The following PTPRE variants were observed in gnomAD, a reference collection of about 807,000 sequenced individuals.
PTPRE encodes the protein receptor-type tyrosine-protein phosphatase epsilon.
Under a neutral mutation model 102.0 loss-of-function variants are expected in PTPRE, and 51 were observed. That is an observed-to-expected ratio of 0.50 (90% CI 0.40 to 0.63). The LOEUF is 0.63. Among genes scored for constraint, PTPRE ranks in the 30% least tolerant of loss-of-function variants. The probability of loss-of-function intolerance (pLI) is 0.00; values close to 1 mark genes in which losing one functional copy is unlikely to be tolerated. For missense variants in PTPRE, 752 were observed against 915.1 expected (o/e 0.82, Z 2.30); for synonymous variants, 345 against 348.2 (o/e 0.99, Z 0.10).
Position 127,975,720 on chromosome 10 carries a change from G to A in PTPRE, c.-30-6554G>A, listed in dbSNP as rs529784974. Among the ~76,000 whole-genome samples the A allele has an allele frequency of 4.6e-5, 7 of 152,250 alleles. No homozygotes were observed. The East Asian group carries it at 9.6e-4, about 21-fold the overall frequency. On this transcript the variant is annotated intron_variant, in intron 1 of 20. Transcript: ENST00000254667. ...TTAGCTCAAGAAAAACATCTTTAGCGTGTTCAGTTACCATTAGCGTCAGGC... is the reference window on the plus strand; with the variant it reads ...TTAGCTCAAGAAAAACATCTTTAGCATGTTCAGTTACCATTAGCGTCAGGC...
At chr10:128,034,329 C>CCCCCCT (rs1554929873) in intron 2 of PTPRE, among the ~76,000 whole-genome samples, 1 of 151,902 alleles carries the variant, frequency 6.6e-6, no homozygotes, top group African/African-American at 2.4e-5. Flanking sequence ...CACACCACCC[C>CCCCCCT]CCCCACCGAC....
intron 2 of PTPRE, among the ~76,000 whole-genome samples, chr10:128,024,768 C>A (rs571514029): frequency 2.6e-5 from 4 of 152,084 alleles, no homozygotes; most frequent in Non-Finnish European, 5.9e-5. Flanking sequence ...GGACTTCCTG[C>A]GGCTTTAAAA....
At chr10:128,012,333 A>G (rs1845088205) in intron 2 of PTPRE, among the ~76,000 whole-genome samples, 1 of 152,188 alleles carries the variant, frequency 6.6e-6, no homozygotes, top group Non-Finnish European at 1.5e-5. Flanking sequence ...TGGTCACTCA[A>G]GAGTCCAGCA....
intron 10 of PTPRE, 150 bp downstream of exon 10, chr10:128,063,330 C>G (rs1436271809): frequency 2.9e-6 from 4 of 1,393,756 alleles, no homozygotes; most frequent in Non-Finnish European, 3.8e-6. Context: ...TGGCTTACAG[C>G]ATTTTCTTCA....
intron 12 of PTPRE, chr10:128,068,529 G>A (rs1471797694): frequency 1.4e-5 from 5 of 367,354 alleles, no homozygotes; most frequent in Non-Finnish European, 2.4e-5. Context: ...GTTGATGGTG[G>A]GAATGGAGTT....
At chr10:128,042,313 G>A (rs1267022137) in intron 3 of PTPRE, among the ~76,000 whole-genome samples, 3 of 152,174 alleles carry the variant, frequency 2.0e-5, no homozygotes, top group Non-Finnish European at 2.9e-5. Context: ...ACAGTCCCTC[G>A]GGTGGCACTG....
intron 1 of PTPRE, among the ~76,000 whole-genome samples, chr10:127,978,638 GC>G (rs1851373929): frequency 2.0e-5 from 3 of 152,178 alleles, no homozygotes; most frequent in Admixed American, 6.5e-5. Context: ...GGGTTCAGCA[GC>G]CCCGGGCCGG....
chr10:128,036,708 G>T (rs1381776647), intron 2 of PTPRE, among the ~76,000 whole-genome samples: 1 of 152,054 alleles, frequency 6.6e-6, no homozygotes, highest in Admixed American at 6.5e-5. Flanking sequence ...CCCTACCTTT[G>T]AAATCCTTCT....
intron 1 of PTPRE, among the ~76,000 whole-genome samples, chr10:127,909,807 C>A (rs1471094719): frequency 6.6e-6 from 1 of 152,224 alleles, no homozygotes; most frequent in Non-Finnish European, 1.5e-5. Flanking sequence ...GCTGATGGAG[C>A]AAGTGTGTGT....
chr10:128,031,402 G>C (rs1846745314), intron 2 of PTPRE, among the ~76,000 whole-genome samples: 1 of 152,216 alleles, frequency 6.6e-6, no homozygotes. Context: ...GGAGACAGCG[G>C]GAGGGCTGTG....
At chr10:127,942,825 G>A (rs183407537) in intron 1 of PTPRE, among the ~76,000 whole-genome samples, 21 of 152,300 alleles carry the variant, frequency 1.4e-4, no homozygotes, top group African/African-American at 4.8e-4. Flanking sequence ...GTAAATGCAC[G>A]TAATGCCCCT....
At chr10:127,915,381 A>C (rs1846134668) in intron 1 of PTPRE, among the ~76,000 whole-genome samples, 1 of 152,236 alleles carries the variant, frequency 6.6e-6, no homozygotes, top group Non-Finnish European at 1.5e-5. Flanking sequence ...TACTGGTCAA[A>C]AAAGTACTCT....
At chr10:127,982,489 C>CATGT (rs886965440) in intron 2 of PTPRE, among the ~76,000 whole-genome samples, 193 bp downstream of exon 2, 2 of 142,604 alleles carry the variant, frequency 1.4e-5, no homozygotes, top group Non-Finnish European at 3.1e-5. Flanking sequence ...ACATCATTTG[C>CATGT]GTGTGTGTGT....
At chr10:127,951,348 T>C (rs535072915) in intron 1 of PTPRE, among the ~76,000 whole-genome samples, 1 of 152,344 alleles carries the variant, frequency 6.6e-6, no homozygotes, top group East Asian at 1.9e-4. Flanking sequence ...TTCTCCCATC[T>C]TTCCCTAAAG....
intron 1 of PTPRE, among the ~76,000 whole-genome samples, chr10:127,959,021 C>T (rs1019826959): frequency 8.6e-5 from 13 of 151,910 alleles, no homozygotes; most frequent in African/African-American, 2.7e-4. Flanking sequence ...CTCGGCCTCC[C>T]GAATAGCTGG....
chr10:127,975,950 A>G (rs974819544), intron 1 of PTPRE, among the ~76,000 whole-genome samples: 1 of 152,056 alleles, frequency 6.6e-6, no homozygotes, highest in African/African-American at 2.4e-5. Context: ...TCTAATAACA[A>G]ACTCCTCATA....
intron 2 of PTPRE, among the ~76,000 whole-genome samples, chr10:128,012,293 A>T (rs1444237987): frequency 6.6e-6 from 1 of 152,214 alleles, no homozygotes; most frequent in Non-Finnish European, 1.5e-5. Flanking sequence ...TTTTAGGGCA[A>T]TAAAATGCTC....
intron 1 of PTPRE, among the ~76,000 whole-genome samples, chr10:127,950,777 A>G (rs1473117976): frequency 9.2e-6 from 1 of 109,060 alleles, no homozygotes; most frequent in Admixed American, 9.2e-5. Flanking sequence ...GATCTATGGC[A>G]CTGGCTAGTT....
intron 10 of PTPRE, among the ~76,000 whole-genome samples, chr10:128,065,415 C>A (rs1012944012): frequency 6.6e-6 from 1 of 152,122 alleles, no homozygotes; most frequent in Non-Finnish European, 1.5e-5. Context: ...GTGCTGCGGG[C>A]GGTGCTGCAA....
Sources: allele counts gnomAD v4.1 joint callset (sites outside exome capture counted in the v4.1 genomes callset), GRCh38; gene constraint gnomAD v4.1.1; transcripts MANE v1.5; gene names NCBI Gene and HGNC (gene_info 2026-07-23, HGNC 2026-07-21).